The following ZMYND11 variants were observed in gnomAD, a reference collection of about 807,000 sequenced individuals.
ZMYND11 encodes the protein zinc finger MYND-type containing 11, also known as zinc finger MYND domain-containing protein 11.
A neutral mutation model predicts 84.9 loss-of-function variants in ZMYND11; 9 were observed. The ratio of observed to expected loss-of-function variants is 0.11; its 90% CI spans 0.06 to 0.18. The LOEUF (loss-of-function observed/expected upper bound fraction) is 0.18, where lower values mean the gene tolerates loss of function less well. Among genes scored for constraint, ZMYND11 ranks in the 10% least tolerant of loss-of-function variants. The probability of loss-of-function intolerance (pLI) is 1.00; values close to 1 mark genes in which losing one functional copy is unlikely to be tolerated. For missense variants in ZMYND11, 409 were observed against 761.0 expected (o/e 0.54, Z 5.44); for synonymous variants, 250 against 244.1 (o/e 1.02, Z -0.23).
In ZMYND11 at chr10:250,063, G is replaced by A. The variant is rs375149370; in HGVS notation, c.1686+975G>A. On this transcript the variant is annotated intron_variant, in intron 14 of 14. Coordinates refer to ENST00000381604, the MANE Select transcript of ZMYND11 (RefSeq NM_001370100.5). ...TATAGCCTTCAGTACAAGTGAAAGC[G>A]TGCTTTCCGAATAACTTTTCCATGT... Among the ~76,000 whole-genome samples, 60 of 152,294 alleles carry A rather than the reference G, an allele frequency of 3.9e-4. 1 individual carries two copies. In the East Asian group the frequency reaches 4.2e-3, roughly 11 times the overall value.
intron 3 of ZMYND11, among the ~76,000 whole-genome samples, chr10:218,226 GT>G (rs1191633911): frequency 6.6e-6 from 1 of 152,096 alleles, no homozygotes; most frequent in Non-Finnish European, 1.5e-5. Context: ...TAGTTGAAAC[GT>G]TTCCTCTACA....
chr10:136,013 C>G (rs1835932582), intron 1 of ZMYND11, among the ~76,000 whole-genome samples: 1 of 151,416 alleles, frequency 6.6e-6, no homozygotes, highest in Admixed American at 6.6e-5. Flanking sequence ...GGAGAGGAAG[C>G]GTTTGTCGGC....
chr10:240,638 G>A (rs1012681522), intron 8 of ZMYND11, among the ~76,000 whole-genome samples: 25 of 152,206 alleles, frequency 1.6e-4, no homozygotes, highest in African/African-American at 4.8e-4. Context: ...AGTGAGGTCC[G>A]GGCAGGGCCC....
intron 1 of ZMYND11, among the ~76,000 whole-genome samples, chr10:158,355 A>G (rs782019422): frequency 3.0e-4 from 45 of 151,716 alleles, no homozygotes; most frequent in South Asian, 6.3e-4. Flanking sequence ...GTATGAAAAC[A>G]CCGGTTTCTA....
At chr10:225,107 A>AT (rs1480033906) in intron 4 of ZMYND11, among the ~76,000 whole-genome samples, 1 of 152,210 alleles carries the variant, frequency 6.6e-6, no homozygotes, top group East Asian at 1.9e-4. Flanking sequence ...AGTCCATTGC[A>AT]TTTTTTAAAG....
At chr10:185,706 T>C (rs1938139955) in intron 2 of ZMYND11, among the ~76,000 whole-genome samples, 1 of 146,556 alleles carries the variant, frequency 6.8e-6, no homozygotes, top group Non-Finnish European at 1.5e-5. Flanking sequence ...TCCCAGCTAC[T>C]GGGGAGGCTG....
At chr10:229,010 G>A (rs1948571377) in intron 4 of ZMYND11, among the ~76,000 whole-genome samples, 1 of 152,046 alleles carries the variant, frequency 6.6e-6, no homozygotes, top group Non-Finnish European at 1.5e-5. Context: ...TTCTATCACG[G>A]TTTGTTTTGT....
chr10:250,557 A>G (rs1261982188), intron 14 of ZMYND11, among the ~76,000 whole-genome samples: 3 of 152,142 alleles, frequency 2.0e-5, no homozygotes, highest in African/African-American at 4.8e-5. Flanking sequence ...AATGGGAAGA[A>G]GAGGCTATAA....
At chr10:242,778 G>A (rs1208295019) in intron 10 of ZMYND11, among the ~76,000 whole-genome samples, 2 of 152,122 alleles carry the variant, frequency 1.3e-5, no homozygotes, top group Admixed American at 6.5e-5. Flanking sequence ...CACAATGAGG[G>A]ACCTTACTCC....
intron 2 of ZMYND11, among the ~76,000 whole-genome samples, chr10:203,355 AAAAC>A (rs2131149366): frequency 6.6e-6 from 1 of 152,310 alleles, no homozygotes; most frequent in African/African-American, 2.4e-5. Context: ...ATTTTAAAAA[AAAAC>A]AGTAAATGTA....
chr10:248,200 C>A, intron 12 of ZMYND11, 136 bp from the exon 13 acceptor site: 2 of 1,146,884 alleles, frequency 1.7e-6, no homozygotes, highest in Non-Finnish European at 2.5e-6. Context: ...ATCTACCACC[C>A]TAACTACATT....
At chr10:179,950 T>C (rs1847483565) in intron 1 of ZMYND11, 44 bp from the exon 2 acceptor site, 1 of 1,201,044 alleles carries the variant, frequency 8.3e-7, no homozygotes, top group Non-Finnish European at 1.2e-6. Flanking sequence ...ATAATTCATT[T>C]TGTAATCTGT....
At chr10:210,894 G>A (rs889648265) in intron 3 of ZMYND11, among the ~76,000 whole-genome samples, 1 of 152,150 alleles carries the variant, frequency 6.6e-6, no homozygotes, top group East Asian at 1.9e-4. Flanking sequence ...CAGGTGTGGT[G>A]GCTCATGCCT....
chr10:131,531 G>A (rs1554749934), upstream of ZMYND11, among the ~76,000 whole-genome samples: 3 of 152,112 alleles, frequency 2.0e-5, no homozygotes, highest in African/African-American at 7.2e-5. Context: ...TTCTTATACT[G>A]ACAGTTTCTC....
At position 252,644 on chromosome 10, in the gene ZMYND11, AGTTTTTCAGGGG is replaced by A; in HGVS notation, c.*177_*188del. 1 of 737,888 alleles carries A rather than the reference AGTTTTTCAGGGG, an allele frequency of 1.4e-6. No homozygotes were observed. 45.7% of individuals were successfully genotyped at this position (737,888 alleles called of 1,614,324 possible). A position where few individuals can be genotyped will look rare whatever the true frequency, so the allele number is the denominator to read the frequency against. ...AAATCTTTTGTTAATGCTCCTCCGAAGTTTTTCAGGGGGTAAAAGTAACATCAGTGGAGGGTA... is the reference window on the plus strand; with the variant it reads ...AAATCTTTTGTTAATGCTCCTCCGAAGTAAAAGTAACATCAGTGGAGGGTA... On this transcript the variant is annotated 3_prime_UTR_variant, in exon 15 of 15. Coordinates refer to ENST00000381604, the MANE Select transcript of ZMYND11 (RefSeq NM_001370100.5). This position sits in a 1 kb window ranked among gnomAD's most constrained non-coding sequence, Gnocchi z 4.6.
At chr10:184,262 T>C (rs1236478336) in intron 2 of ZMYND11, among the ~76,000 whole-genome samples, 1 of 152,208 alleles carries the variant, frequency 6.6e-6, no homozygotes, top group African/African-American at 2.4e-5. Context: ...TCTTAAATAT[T>C]CTATATACCA....
chr10:143,029 A>T (rs1837851059), intron 1 of ZMYND11, among the ~76,000 whole-genome samples: 3 of 152,248 alleles, frequency 2.0e-5, no homozygotes, highest in African/African-American at 7.2e-5. Flanking sequence ...ATTAACACCA[A>T]CACTAAAGTA....
intron 10 of ZMYND11, among the ~76,000 whole-genome samples, chr10:244,235 G>A (rs1951662548): frequency 6.6e-6 from 1 of 152,148 alleles, no homozygotes; most frequent in African/African-American, 2.4e-5. Context: ...AGCAACTTAT[G>A]CTCAAAAGGT....
At position 246,542 on chromosome 10, in the gene ZMYND11, G is replaced by A. The variant is rs190950049; in HGVS notation, c.951-224G>A. Among the ~76,000 whole-genome samples, 25 of 152,210 alleles carry A rather than the reference G, an allele frequency of 1.6e-4. No homozygotes were observed. The East Asian group carries it at 3.7e-3, about 22-fold the overall frequency. On this transcript the variant is annotated intron_variant, in intron 10 of 14. Transcript: ENST00000381604. ...ACAAAACAAATCTCATTTATTTTCC[G>A]CTTGGTAACAGTTTATTTATTCAAG...
Sources: gnomAD v4.1 joint callset for allele counts (sites outside exome capture counted in the v4.1 genomes callset) on GRCh38, gnomAD v4.1.1 for gene constraint, Gnocchi (gnomAD v3.1) non-coding constraint, MANE v1.5 for transcripts, NCBI Gene and HGNC (gene_info 2026-07-23, HGNC 2026-07-21) for gene names.